DSCAML1: variants seen among roughly 807,000 people sequenced by gnomAD.
The protein encoded by DSCAML1 is cell adhesion molecule DSCAML1.
Under a neutral mutation model 200.5 loss-of-function variants are expected in DSCAML1, and 38 were observed. The observed-to-expected ratio is 0.19, with a 90% CI of 0.15 to 0.25. The LOEUF (loss-of-function observed/expected upper bound fraction) is 0.25. Among genes scored for constraint, DSCAML1 ranks in the 10% least tolerant of loss-of-function variants. DSCAML1 has a pLI of 1.00. For synonymous variants in DSCAML1, 1,215 were observed against 1,165.0 expected (o/e 1.04, Z -0.87); for missense variants, 2,223 against 2,858.8 (o/e 0.78, Z 5.07).
At chr11:117,537,355 T>C (rs1218440028) in intron 3 of DSCAML1, among the ~76,000 whole-genome samples, 1 of 152,142 alleles carries the variant, frequency 6.6e-6, no homozygotes. Context: ...CCTTCCACCA[T>C]GGAAGGCGTG....
At chr11:117,728,597 GAATAC>G (rs139079182) in intron 3 of DSCAML1, among the ~76,000 whole-genome samples, 8,246 of 152,118 alleles carry the variant, frequency 0.054, 489 homozygotes, top group African/African-American at 0.16. Context: ...CAAGGTTTCA[GAATAC>G]AATATTGATA....
chr11:117,520,032 T>C (rs2049856428), intron 6 of DSCAML1, among the ~76,000 whole-genome samples: 2 of 152,138 alleles, frequency 1.3e-5, no homozygotes, highest in African/African-American at 2.4e-5. Flanking sequence ...AGGAACAGAA[T>C]TGTGTTGTGT....
At chr11:117,781,897 A>G (rs1186891322) in intron 1 of DSCAML1, among the ~76,000 whole-genome samples, 2 of 152,198 alleles carry the variant, frequency 1.3e-5, no homozygotes, top group Non-Finnish European at 2.9e-5. Flanking sequence ...TCAGGCCTAG[A>G]TATTTCCTGC....
In DSCAML1 at chr11:117,646,837, C is replaced by A. The variant is rs916380027; in HGVS notation, c.512-114315G>T. Among the ~76,000 whole-genome samples, 2 of 128,396 alleles carry A rather than the reference C, an allele frequency of 1.6e-5. 1 individual carries two copies. Among genetic ancestry groups the A allele is most frequent in the East Asian group, 4.4e-4 (2 of 4,564 alleles). The allele number at this position is 128,396 out of a possible 152,430, so 84.2% of individuals were successfully genotyped here. On this transcript the variant is annotated intron_variant, in intron 3 of 32. Coordinates refer to ENST00000651296, the MANE Select transcript of DSCAML1 (RefSeq NM_020693.4). ...AAGAATATATGAGTTCAAAAGAGGT[C>A]TCCTAGAGAGAGAGAGGAAAAAAAA...
rs563431014 is a variant in DSCAML1 at position 117,640,029 on chromosome 11, A to T, written c.512-107507T>A. Among the ~76,000 whole-genome samples the T allele has an allele frequency of 2.0e-5, 3 of 152,228 alleles. No homozygotes were observed. In the South Asian group the frequency reaches 6.2e-4, roughly 32 times the overall value. On this transcript the variant is annotated intron_variant, in intron 3 of 32. Transcript: ENST00000651296. ...TGACTTGGGTGGGTGGGCTCGTGGA[A>T]TGGTCCTCTGGAGCTTGGGAGCTGC...
At chr11:117,572,386 G>T (rs1178312471) in intron 3 of DSCAML1, among the ~76,000 whole-genome samples, 2 of 152,238 alleles carry the variant, frequency 1.3e-5, no homozygotes, top group Non-Finnish European at 2.9e-5. Context: ...TGGTGAGGAA[G>T]CCTGGAGGAA....
chr11:117,503,787 G>A lies in DSCAML1; in HGVS notation c.2359+58C>T. The A allele has an allele frequency of 6.4e-7, 1 of 1,552,736 alleles. No individual in the cohort carries two copies. The highest frequency in any genetic ancestry group is 8.8e-7 in the Non-Finnish European group (1 of 1,141,766). On this transcript the variant is annotated intron_variant, in intron 11 of 32. Coordinates refer to ENST00000651296, the MANE Select transcript of DSCAML1 (RefSeq NM_020693.4). This position sits in a 1 kb window ranked among gnomAD's most constrained non-coding sequence, Gnocchi z 5.2. ...TAAGAGAGTAGGCAGGGAGAGTGCA[G>A]AGCCGGGGCTTGGCTGTGATTTGGG... is the stretch of plus-strand genomic sequence containing the variant.
chr11:117,464,128 G>A (rs2048532998), intron 17 of DSCAML1, among the ~76,000 whole-genome samples: 1 of 152,164 alleles, frequency 6.6e-6, no homozygotes, highest in Non-Finnish European at 1.5e-5. Flanking sequence ...GTTTCGCTCT[G>A]TTGGGGCGGG....
At chr11:117,701,062 T>C (rs1273051014) in intron 3 of DSCAML1, among the ~76,000 whole-genome samples, 2 of 152,026 alleles carry the variant, frequency 1.3e-5, no homozygotes, top group African/African-American at 4.8e-5. Flanking sequence ...GGTCAGGAGT[T>C]TGAGACCAGC....
chr11:117,525,394 G>A (rs1221185006), intron 4 of DSCAML1, among the ~76,000 whole-genome samples: 1 of 152,104 alleles, frequency 6.6e-6, no homozygotes, highest in East Asian at 1.9e-4. Flanking sequence ...AGGCGGAAGA[G>A]AGCAAGACGT....
At chr11:117,588,286 C>A (rs1254582453) in intron 3 of DSCAML1, among the ~76,000 whole-genome samples, 1 of 152,160 alleles carries the variant, frequency 6.6e-6, no homozygotes, top group Non-Finnish European at 1.5e-5. Flanking sequence ...CATGACTCCT[C>A]CATCACTCGC....
At chr11:117,590,976 G>A (rs896514727) in intron 3 of DSCAML1, among the ~76,000 whole-genome samples, 1 of 152,170 alleles carries the variant, frequency 6.6e-6, no homozygotes, top group South Asian at 2.1e-4. Flanking sequence ...CAAAACAGGG[G>A]GAGTGATGAA....
At chr11:117,720,966 G>A (rs538514789) in intron 3 of DSCAML1, among the ~76,000 whole-genome samples, 1 of 152,254 alleles carries the variant, frequency 6.6e-6, no homozygotes, top group South Asian at 2.1e-4. Flanking sequence ...AACATTTACT[G>A]GCCCTCTCAT....
At chr11:117,441,999 GGTGTGTATGTGCATCTGCATGTGAGT>G (rs1475225629) in intron 21 of DSCAML1, among the ~76,000 whole-genome samples, 2 of 149,818 alleles carry the variant, frequency 1.3e-5, no homozygotes, top group South Asian at 2.2e-4. Context: ...TGTATGTGTG[GGTGTGTATGTGCATCTGCATGTGAGT>G]GTGTGTATGT....
chr11:117,674,363 T>C (rs558431844), intron 3 of DSCAML1, among the ~76,000 whole-genome samples: 24 of 152,236 alleles, frequency 1.6e-4, no homozygotes, highest in African/African-American at 5.8e-4. Flanking sequence ...TTGGGTTCTT[T>C]GGACGGGGGA....
rs772966604 is a variant in DSCAML1 at position 117,505,494 on chromosome 11, T to C, written c.2022A>G (p.Ala674=). Reference sequence around the variant, plus strand: ...GGCGCTCCCGGCTCACGGTGGCGGCTGCGTTGCTGGCGATGCATGTATAGT... The same window carrying C: ...GGCGCTCCCGGCTCACGGTGGCGGCCGCGTTGCTGGCGATGCATGTATAGT... The part of the protein sequence containing the change: ...NGNYTCIASN[A]AATVSRERQL... Residue 674 remains alanine (A), a synonymous_variant, in exon 9 of 33, where the codon GCA becomes GCG. Transcript: ENST00000651296. This position sits in a 1 kb window ranked among gnomAD's most constrained non-coding sequence, Gnocchi z 6.7. 2.5e-6 allele frequency: 4 copies of C among 1,612,654 alleles called. No homozygotes were observed. Among genetic ancestry groups the C allele is most frequent in the South Asian group, 1.1e-5 (1 of 91,064 alleles).
At chr11:117,551,711 G>A (rs751733712) in intron 3 of DSCAML1, among the ~76,000 whole-genome samples, 13 of 152,136 alleles carry the variant, frequency 8.5e-5, no homozygotes, top group Non-Finnish European at 1.5e-5. Flanking sequence ...GGGTCTGGAG[G>A]GGACAGCAGC....
At chr11:117,665,188 G>A (rs2052949045) in intron 3 of DSCAML1, among the ~76,000 whole-genome samples, 1 of 152,192 alleles carries the variant, frequency 6.6e-6, no homozygotes. Flanking sequence ...GTTCATGTGG[G>A]CCCAGTCTCC....
In DSCAML1 at chr11:117,741,003, G is replaced by A. The variant is rs138258450; in HGVS notation, c.511+35788C>T. Among the ~76,000 whole-genome samples the A allele has an allele frequency of 1.5e-3, 224 of 152,360 alleles. 2 individuals are homozygous for A. Among genetic ancestry groups the A allele is most frequent in the African/African-American group, 5.2e-3 (218 of 41,586 alleles). On this transcript the variant is annotated intron_variant, in intron 3 of 32. Coordinates refer to ENST00000651296, the MANE Select transcript of DSCAML1 (RefSeq NM_020693.4). ...AGGGGAGGGATTCCTTGTTTGAGAA[G>A]AAAAGGTGAACTGGACATTACCTGG...
Sources: allele counts gnomAD v4.1 joint callset (sites outside exome capture counted in the v4.1 genomes callset), GRCh38; gene constraint gnomAD v4.1.1; non-coding constraint Gnocchi (gnomAD v3.1); transcripts MANE v1.5; gene names NCBI Gene and HGNC (gene_info 2026-07-23, HGNC 2026-07-21).